JAZF1: variants seen among roughly 807,000 people sequenced by gnomAD.
The protein encoded by JAZF1 is JAZF zinc finger 1.
A neutral mutation model predicts 26.4 loss-of-function variants in JAZF1; 8 were observed. The observed-to-expected ratio is 0.30, with a 90% CI of 0.18 to 0.55. The LOEUF is 0.55. JAZF1 is among the 20% of genes least tolerant of loss of function. The probability of loss-of-function intolerance (pLI) is 0.94; values close to 1 mark genes in which losing one functional copy is unlikely to be tolerated. For synonymous variants in JAZF1, 126 were observed against 122.3 expected, an observed-to-expected ratio of 1.03 and a Z score of -0.20; for missense variants, 199 against 322.0, an observed-to-expected ratio of 0.62 and a Z score of 2.92.
At chr7:28,043,495 G>C (rs1783440186) in intron 1 of JAZF1, among the ~76,000 whole-genome samples, 1 of 152,100 alleles carries the variant, frequency 6.6e-6, no homozygotes, top group Non-Finnish European at 1.5e-5. Flanking sequence ...ACAAGGGCTG[G>C]ATACATGAGT....
chr7:28,151,751 A>G (rs1783114814), intron 1 of JAZF1, among the ~76,000 whole-genome samples: 1 of 152,028 alleles, frequency 6.6e-6, no homozygotes, highest in African/African-American at 2.4e-5. Flanking sequence ...AGATCATGCC[A>G]TTGCACTCCA....
At chr7:28,089,204 A>T (rs1217071671) in intron 1 of JAZF1, among the ~76,000 whole-genome samples, 1 of 152,182 alleles carries the variant, frequency 6.6e-6, no homozygotes, top group Non-Finnish European at 1.5e-5. Flanking sequence ...TTTGGGAGGT[A>T]ATTAGATCAT....
chr7:27,977,613 C>T (rs1405556971), intron 2 of JAZF1, among the ~76,000 whole-genome samples: 2 of 152,180 alleles, frequency 1.3e-5, no homozygotes, highest in African/African-American at 2.4e-5. Context: ...AGTCTTACCC[C>T]GAACATGAGC....
chr7:28,109,905 C>T (rs74907240), intron 1 of JAZF1, among the ~76,000 whole-genome samples: 103 of 152,188 alleles, frequency 6.8e-4, no homozygotes, highest in Non-Finnish European at 1.3e-3. Context: ...CCTAAACAGC[C>T]TAAGTGAATT....
At chr7:28,094,939 A>G (rs1194442321) in intron 1 of JAZF1, among the ~76,000 whole-genome samples, 1 of 152,060 alleles carries the variant, frequency 6.6e-6, no homozygotes, top group African/African-American at 2.4e-5. Context: ...ATACATGTGG[A>G]GTCCCAACAA....
At chr7:28,159,114 A>G (rs1783237903) in intron 1 of JAZF1, among the ~76,000 whole-genome samples, 1 of 152,184 alleles carries the variant, frequency 6.6e-6, no homozygotes, top group East Asian at 1.9e-4. Flanking sequence ...ATGAAAAGAC[A>G]TAACGGGGTA....
At chr7:28,114,955 C>T (rs1437292696) in intron 1 of JAZF1, among the ~76,000 whole-genome samples, 2 of 152,054 alleles carry the variant, frequency 1.3e-5, no homozygotes, top group Non-Finnish European at 2.9e-5. Flanking sequence ...GCCTGCAGTC[C>T]AGGGAGTAAA....
rs1421596219 is a variant in JAZF1, at chr7:28,057,266, G to A, written c.116-65285C>T. 7.9e-5 allele frequency among the ~76,000 whole-genome samples: 12 copies of A among 152,240 alleles called. No homozygotes were observed. In the East Asian group the frequency reaches 2.1e-3, roughly 27 times the overall value. On this transcript the variant is annotated intron_variant, in intron 1 of 4. Transcript: ENST00000283928. Reference sequence around the variant, plus strand: ...ACTATTGTAAAAGCACATAAAAAATGCTTTTATGACCTTAACCTCTATCTG... The same window carrying A: ...ACTATTGTAAAAGCACATAAAAAATACTTTTATGACCTTAACCTCTATCTG...
rs1783628432 is a variant in JAZF1 at position 28,180,545 on chromosome 7, G to A, written c.33C>T (p.Ser11=). 8 of 1,610,470 alleles carry A rather than the reference G, an allele frequency of 5.0e-6. No homozygotes were observed. The African/African-American group carries it at 6.7e-5, about 14-fold the overall frequency. ...CGCAGCCCCCGAATCGGCAGGTATTGGAGAAGAAGGAGGCGGCGGCGATGC... is the reference window on the plus strand; with the variant it reads ...CGCAGCCCCCGAATCGGCAGGTATTAGAGAAGAAGGAGGCGGCGGCGATGC... The part of the protein sequence containing the change: MTGIAAASFF[S]NTCRFGGCGL... Residue 11 remains serine (S), a synonymous_variant, in exon 1 of 5, where the codon TCC becomes TCT. Transcript: ENST00000283928.
chr7:27,978,625 T>C (rs561648713), intron 2 of JAZF1, among the ~76,000 whole-genome samples: 1 of 152,308 alleles, frequency 6.6e-6, no homozygotes, highest in Admixed American at 6.5e-5. Flanking sequence ...TCTAGTGATA[T>C]TACAATTACC....
chr7:27,967,280 G>A (rs755012718), intron 2 of JAZF1, among the ~76,000 whole-genome samples: 1 of 151,948 alleles, frequency 6.6e-6, no homozygotes, highest in African/African-American at 2.4e-5. Flanking sequence ...CAGGACCCCC[G>A]TACCATGCTC....
At chr7:27,979,402 T>A (rs899883090) in intron 2 of JAZF1, among the ~76,000 whole-genome samples, 1 of 100,528 alleles carries the variant, frequency 9.9e-6, no homozygotes, top group Non-Finnish European at 1.9e-5. Flanking sequence ...TTTTTTTTTT[T>A]TTTAGAAACA....
At chr7:28,065,845 CG>C (rs1783872476) in intron 1 of JAZF1, among the ~76,000 whole-genome samples, 1 of 151,962 alleles carries the variant, frequency 6.6e-6, no homozygotes, top group Non-Finnish European at 1.5e-5. Flanking sequence ...GATTACAGCC[CG>C]GGGCTATTTT....
chr7:27,966,189 T>C (rs1311673378), intron 2 of JAZF1, among the ~76,000 whole-genome samples: 1 of 152,228 alleles, frequency 6.6e-6, no homozygotes, highest in East Asian at 1.9e-4. Flanking sequence ...AACTCTACAA[T>C]GAGGGCAAGA....
At chr7:28,079,079 T>G (rs983668726) in intron 1 of JAZF1, among the ~76,000 whole-genome samples, 4 of 151,838 alleles carry the variant, frequency 2.6e-5, no homozygotes, top group African/African-American at 9.7e-5. Context: ...AACCTCCACT[T>G]CTCAGGTTCA....
At position 27,906,229 on chromosome 7, in the gene JAZF1, A is replaced by G. The variant is rs566399026; in HGVS notation, c.189-10813T>C. 2.0e-5 allele frequency among the ~76,000 whole-genome samples: 3 copies of G among 150,174 alleles called. No individual in the cohort carries two copies. The South Asian group carries it at 6.4e-4, about 32-fold the overall frequency. On this transcript the variant is annotated intron_variant, in intron 2 of 4. Coordinates refer to ENST00000283928, the MANE Select transcript of JAZF1 (RefSeq NM_175061.4). ...TGAGTGTCCTCTCACAGCTGGACAC[A>G]CAGAGGGGTGGTGAGGTGCTGGATG...
chr7:27,939,510 C>G (rs1229253930), intron 2 of JAZF1, among the ~76,000 whole-genome samples: 1 of 152,210 alleles, frequency 6.6e-6, no homozygotes, highest in East Asian at 1.9e-4. Flanking sequence ...AGGGGATGAG[C>G]TGTGTGTCCC....
intron 1 of JAZF1, among the ~76,000 whole-genome samples, chr7:28,071,838 G>GT (rs1562577540): frequency 1.3e-5 from 2 of 152,188 alleles, no homozygotes; most frequent in Non-Finnish European, 2.9e-5. Context: ...AGATCCTGCT[G>GT]TTTCAAGCGA....
chr7:28,133,040 C>G (rs1782821943), intron 1 of JAZF1, among the ~76,000 whole-genome samples: 1 of 152,180 alleles, frequency 6.6e-6, no homozygotes, highest in Non-Finnish European at 1.5e-5. Context: ...GGCAAGCAAA[C>G]AAGGCTGGCT....
Sources: allele counts gnomAD v4.1 joint callset (sites outside exome capture counted in the v4.1 genomes callset), GRCh38; gene constraint gnomAD v4.1.1; transcripts MANE v1.5; gene names NCBI Gene and HGNC (gene_info 2026-07-23, HGNC 2026-07-21).